Variants in PAQR3 observed in about 807,000 individuals in gnomAD.
PAQR3 encodes the protein progestin and adipoQ receptor family member 3, also known as Raf kinase trapping to Golgi.
PAQR3 carries 39 observed loss-of-function variants against 41.7 expected under a neutral mutation model. The observed-to-expected ratio is 0.93, with a 90% CI of 0.72 to 1.22. The LOEUF is 1.22. Among genes scored for constraint, PAQR3 ranks in the 50% most tolerant of loss-of-function variants. PAQR3 has a pLI of 0.00. For synonymous variants in PAQR3, 140 were observed against 140.6 expected (o/e 1.00, Z 0.03); for missense variants, 366 against 385.6 (o/e 0.95, Z 0.42).
In PAQR3 at chr4:78,915,009, A is replaced by G. The variant is rs766096242; in HGVS notation, c.*5530T>C. Reference sequence around the variant, plus strand: ...AGATCAGCTTTTTATGGCATTGAAGAATGTATCTGCTAAGACACAAAAATT... The same window carrying G: ...AGATCAGCTTTTTATGGCATTGAAGGATGTATCTGCTAAGACACAAAAATT... On this transcript the variant is annotated 3_prime_UTR_variant, in exon 6 of 6. Transcript: ENST00000512733. The G allele has an allele frequency of 2.6e-5, 4 of 152,046 alleles. No homozygotes were observed. Among genetic ancestry groups the G allele is most frequent in the Non-Finnish European group, 4.4e-5 (3 of 67,950 alleles). The allele number at this position is 152,046 out of a possible 1,614,324, so 9.4% of individuals were successfully genotyped here.
At chr4:78,908,612 A>T (rs888932631), downstream of PAQR3, among the ~76,000 whole-genome samples, 1 of 152,176 alleles carries the variant, frequency 6.6e-6, no homozygotes, top group East Asian at 1.9e-4. Flanking sequence ...TTCAGCCAAA[A>T]ACTAACCATT....
At chr4:78,924,168 C>T (rs1452316043) in intron 4 of PAQR3, among the ~76,000 whole-genome samples, 2 of 152,102 alleles carry the variant, frequency 1.3e-5, no homozygotes, top group African/African-American at 2.4e-5. Context: ...AGAGCTTTAA[C>T]ATGCTGAAGT....
chr4:78,911,351 C>T, downstream of PAQR3: 2 of 1,613,872 alleles, frequency 1.2e-6, no homozygotes, highest in Non-Finnish European at 1.7e-6. Flanking sequence ...TTTGGCTCCA[C>T]TCCATTTCAG....
chr4:78,936,587 T>C (rs1264179811), intron 1 of PAQR3, among the ~76,000 whole-genome samples: 1 of 152,158 alleles, frequency 6.6e-6, no homozygotes, highest in Non-Finnish European at 1.5e-5. Flanking sequence ...CAAATGATCA[T>C]CAAAAATAAA....
intron 12 of PAQR3, among the ~76,000 whole-genome samples, chr4:78,887,675 CTTTG>C (rs1733171694): frequency 6.6e-6 from 1 of 152,096 alleles, no homozygotes; most frequent in Non-Finnish European, 1.5e-5. Context: ...GTCACAATCA[CTTTG>C]TTTTACTCTT....
At position 78,920,576 on chromosome 4, in the gene PAQR3, T is replaced by G. The variant is rs768966297; in HGVS notation, c.899A>C (p.His300Pro). 5.0e-6 allele frequency: 8 copies of G among 1,611,358 alleles called. No homozygotes were observed. Among genetic ancestry groups the G allele is most frequent in the Non-Finnish European group, 5.9e-6 (7 of 1,178,398 alleles). The part of the protein sequence containing the change: ...QSTVYVMQYR[H>P]SKPCPDYVSH... ...AACATAGTCAGGACAAGGCTTGCTA[T>G]GTCTGTACTGCATGACATACACTGT... The change falls in exon 6 of 6, where the codon CAT becomes CCT. Residue 300 changes from histidine (H) to proline (P), a missense_variant. Coordinates refer to ENST00000512733, the MANE Select transcript of PAQR3 (RefSeq NM_001040202.2).
downstream of PAQR3, chr4:78,910,768 G>A: frequency 6.2e-7 from 1 of 1,613,894 alleles, no homozygotes; most frequent in East Asian, 2.2e-5. Context: ...TGATGAATCT[G>A]AAAGTGATTT....
In PAQR3 at chr4:78,919,414, T is replaced by C; in HGVS notation, c.*1125A>G. The C allele has an allele frequency of 7.1e-6, 7 of 984,620 alleles. No individual in the cohort carries two copies. Among genetic ancestry groups the C allele is most frequent in the Non-Finnish European group, 8.4e-6 (7 of 829,302 alleles). 61.0% of individuals were successfully genotyped at this position (984,620 alleles called of 1,614,324 possible). On this transcript the variant is annotated 3_prime_UTR_variant, in exon 6 of 6. Coordinates refer to ENST00000512733, the MANE Select transcript of PAQR3 (RefSeq NM_001040202.2). ...TATGATAGGGCAGTGAGTTCTATTT[T>C]TTAAGTATATACAATAAAAAGAAAG...
Position 78,926,635 on chromosome 4 carries a change from C to T in PAQR3, c.588G>A (p.Thr196=), listed in dbSNP as rs138664703. 12 of 1,613,720 alleles carry T rather than the reference C, an allele frequency of 7.4e-6. No homozygotes were observed. Among genetic ancestry groups the T allele is most frequent in the South Asian group, 1.1e-5 (1 of 91,084 alleles). Residue 196 remains threonine (T), a synonymous_variant, in exon 4 of 6, where the codon ACG becomes ACA. Transcript: ENST00000512733. ...TAGAACGGAGCCTTTGCCATTGCTG[C>T]GTGAGGTAATTGGGATGAATCTGCG... ...FFAQIHPNYL[T]QQWQRLRSII...
Position 78,904,393 on chromosome 4 carries a change from T to A in PAQR3, c.*836+1715A>T, listed in dbSNP as rs148913169. ...CTATTCCCTCTGATTCATTTCTGAT[T>A]CAAGTACCATTTGTGTCCTCTTGAC... On this transcript the variant is annotated intron_variant and NMD_transcript_variant, in intron 11 of 12. Coordinates refer to the PAQR3 transcript ENST00000342820. 2.3e-3 allele frequency among the ~76,000 whole-genome samples: 348 copies of A among 152,070 alleles called. 5 individuals are homozygous for A. Among genetic ancestry groups the A allele is most frequent in the African/African-American group, 7.9e-3 (328 of 41,556 alleles).
At chr4:78,923,979 T>G in intron 4 of PAQR3, 32 bp from the exon 5 acceptor site, 3 of 1,435,160 alleles carry the variant, frequency 2.1e-6, no homozygotes, top group South Asian at 1.1e-5. Context: ...TTTACAGATC[T>G]TCCTACTGTT....
chr4:78,932,704 G>C (rs2110165605), intron 2 of PAQR3, among the ~76,000 whole-genome samples: 1 of 151,690 alleles, frequency 6.6e-6, no homozygotes, highest in Non-Finnish European at 1.5e-5. Context: ...ATTTCATTGT[G>C]AAAAAGAAAA....
chr4:78,910,643 T>C (rs575602338), downstream of PAQR3: 6 of 1,558,766 alleles, frequency 3.8e-6, no homozygotes, highest in South Asian at 6.2e-5. Flanking sequence ...CATTCATCTA[T>C]AAATCAAGAA....
chr4:78,917,906 T>C lies in PAQR3; in HGVS notation c.*2633A>G, dbSNP rs746386992. 5 of 984,198 alleles carry C rather than the reference T, an allele frequency of 5.1e-6. No homozygotes were observed. Among genetic ancestry groups the C allele is most frequent in the South Asian group, 4.7e-5 (1 of 21,246 alleles). 61.0% of individuals were successfully genotyped at this position (984,198 alleles called of 1,614,324 possible). On this transcript the variant is annotated 3_prime_UTR_variant, in exon 6 of 6. Coordinates refer to ENST00000512733, the MANE Select transcript of PAQR3 (RefSeq NM_001040202.2). ...CTAAAATATGATTTTAAAGCTGTTATGTATTACAAAGAATGACAAGCAGCA... is the reference window on the plus strand; with the variant it reads ...CTAAAATATGATTTTAAAGCTGTTACGTATTACAAAGAATGACAAGCAGCA...
chr4:78,904,309 A>G (rs1243683696), intron 11 of PAQR3, among the ~76,000 whole-genome samples: 1 of 151,926 alleles, frequency 6.6e-6, no homozygotes, highest in African/African-American at 2.4e-5. Flanking sequence ...GGCCTAATAT[A>G]GGGAGATAAG....
At chr4:78,932,529 CA>C in intron 2 of PAQR3, among the ~76,000 whole-genome samples, 2 of 152,252 alleles carry the variant, frequency 1.3e-5, no homozygotes, top group Non-Finnish European at 1.5e-5. Flanking sequence ...TATGCATACA[CA>C]AACATACGCA....
chr4:78,909,495 C>A (rs1403867618), downstream of PAQR3, among the ~76,000 whole-genome samples: 1 of 152,120 alleles, frequency 6.6e-6, no homozygotes, highest in Non-Finnish European at 1.5e-5. Context: ...CACAGTCTGG[C>A]CTTTTCCAGT....
chr4:78,909,055 CTTTT>C (rs1053664659), downstream of PAQR3, among the ~76,000 whole-genome samples: 3 of 94,394 alleles, frequency 3.2e-5, no homozygotes, highest in Admixed American at 1.2e-4. Flanking sequence ...TTCCCTTAGT[CTTTT>C]TTTTTTTTTT....
Position 78,918,944 on chromosome 4 carries a change from A to G in PAQR3, c.*1595T>C. 1 of 985,090 alleles carries G rather than the reference A, an allele frequency of 1.0e-6. No individual in the cohort carries two copies. Among genetic ancestry groups the G allele is most frequent in the Non-Finnish European group, 1.2e-6 (1 of 829,732 alleles). 61.0% of individuals were successfully genotyped at this position (985,090 alleles called of 1,614,324 possible). The stretch of plus-strand genomic sequence containing the variant: ...ATATGGATCAAAATTTTAACCTTAT[A>G]AGGTAAAACAGCCATTTTCAAAGCA... On this transcript the variant is annotated 3_prime_UTR_variant, in exon 6 of 6. Coordinates refer to ENST00000512733, the MANE Select transcript of PAQR3 (RefSeq NM_001040202.2).
Sources: allele counts gnomAD v4.1 joint callset (sites outside exome capture counted in the v4.1 genomes callset), GRCh38; gene constraint gnomAD v4.1.1; transcripts MANE v1.5; gene names NCBI Gene and HGNC (gene_info 2026-07-23, HGNC 2026-07-21).